BPTF: variants seen among roughly 807,000 people sequenced by gnomAD.
The protein encoded by BPTF is nucleosome-remodeling factor subunit BPTF.
BPTF carries 18 observed loss-of-function variants against 292.5 expected under a neutral mutation model. That is an observed-to-expected ratio of 0.06 (90% CI 0.04 to 0.09). BPTF has a LOEUF of 0.09. BPTF is among the 10% of genes least tolerant of loss of function. BPTF has a pLI of 1.00. For missense variants in BPTF, 2,726 were observed against 3,498.7 expected, an observed-to-expected ratio of 0.78 and a Z score of 5.57; for synonymous variants, 1,225 against 1,251.9, an observed-to-expected ratio of 0.98 and a Z score of 0.45.
intron 13 of BPTF, among the ~76,000 whole-genome samples, chr17:67,922,217 C>T (rs190146961): frequency 6.6e-6 from 1 of 152,288 alleles, no homozygotes; most frequent in Admixed American, 6.5e-5. Context: ...AATTCAGGTC[C>T]TGCTTTCATT....
chr17:67,943,133 C>T (rs367952795), intron 19 of BPTF, among the ~76,000 whole-genome samples: 27 of 152,060 alleles, frequency 1.8e-4, no homozygotes, highest in Non-Finnish European at 3.5e-4. Context: ...AATTGAAATC[C>T]GGGTGAGTCA....
Position 67,859,449 on chromosome 17 carries a change from C to A in BPTF, c.1436+4687C>A, listed in dbSNP as rs2058942587. On this transcript the variant is annotated intron_variant, in intron 2 of 27. Coordinates refer to ENST00000306378, the MANE Select transcript of BPTF (RefSeq NM_182641.4). ...GCCTGAGCCACCATGCCCTGCCTTG[C>A]AGGCACTATTTTTGTCTGCATCTTA... is the stretch of plus-strand genomic sequence containing the variant. 2.0e-5 allele frequency among the ~76,000 whole-genome samples: 3 copies of A among 152,358 alleles called. No homozygotes were observed. In the South Asian group the frequency reaches 6.2e-4, roughly 32 times the overall value.
chr17:67,912,417 C>T lies in BPTF; in HGVS notation c.4533C>T (p.Asp1511=). ...LETLPSTKES[D]STQTTTPSAS... ...CCCTGCCATCAACCAAAGAGTCTGA[C>T]AGTACACAGACGACCACACCCTCAG... Residue 1511 remains aspartate, a synonymous_variant, in exon 11 of 28, where the codon GAC becomes GAT. Transcript: ENST00000306378. The T allele has an allele frequency of 1.2e-6, 2 of 1,613,928 alleles. No individual in the cohort carries two copies. The highest frequency in any genetic ancestry group is 1.7e-6 in the Non-Finnish European group (2 of 1,179,956).
intron 2 of BPTF, among the ~76,000 whole-genome samples, chr17:67,862,371 C>A (rs1598307083): frequency 1.3e-5 from 2 of 152,200 alleles, no homozygotes; most frequent in South Asian, 4.1e-4. Context: ...TGGTACTACT[C>A]TAAACACTTT....
chr17:67,870,261 CTTT>C (rs374215070), intron 3 of BPTF, among the ~76,000 whole-genome samples: 3 of 133,558 alleles, frequency 2.2e-5, no homozygotes, highest in Non-Finnish European at 4.9e-5. Flanking sequence ...TCTTTCTTTC[CTTT>C]TTTTTTTTTT....
rs536252416 is a variant in BPTF at position 67,936,122 on chromosome 17, C to A, written c.6259+4103C>A. On this transcript the variant is annotated intron_variant, in intron 18 of 27. Coordinates refer to ENST00000306378, the MANE Select transcript of BPTF (RefSeq NM_182641.4). ...ATTTTCTTACTATAAAACATGGTTC[C>A]AGGGCATAAGGGGAAAGATAGATAA... Among the ~76,000 whole-genome samples the A allele has an allele frequency of 3.3e-5, 5 of 152,196 alleles. No homozygotes were observed. In the East Asian group the frequency reaches 9.7e-4, roughly 29 times the overall value.
intron 1 of BPTF, among the ~76,000 whole-genome samples, chr17:67,833,157 A>T (rs975646214): frequency 5.3e-5 from 8 of 151,974 alleles, no homozygotes; most frequent in African/African-American, 1.9e-4. Context: ...GTCTTCCATC[A>T]TTTAGCCTAA....
rs1250813393 is a variant in BPTF, at chr17:67,928,360, A to G, written c.5757A>G (p.Arg1919=). 1 of 1,604,654 alleles carries G rather than the reference A, an allele frequency of 6.2e-7. No homozygotes were observed. The highest frequency in any genetic ancestry group is 2.2e-5 in the East Asian group (1 of 44,806). The change falls in exon 16 of 28, where the codon CGA becomes CGG. Residue 1919 remains arginine, a synonymous_variant. Transcript: ENST00000306378. ...AQAVEQQAKK[R]LEQQKPTVIA... is the part of the protein sequence containing the mutation. ...CCTCTCCTTCACTTTTTTAGAAACG[A>G]CTGGAGCAGCAGAAGCCGACAGTGA... is the stretch of plus-strand genomic sequence containing the variant.
intron 23 of BPTF, 84 bp downstream of exon 23, chr17:67,948,390 T>A: frequency 8.0e-7 from 1 of 1,250,098 alleles, no homozygotes; most frequent in Non-Finnish European, 1.1e-6. Context: ...TAATAAAGCT[T>A]AAAATTTCAG....
intron 23 of BPTF, among the ~76,000 whole-genome samples, chr17:67,959,004 G>GT (rs1555682268): frequency 1.3e-5 from 2 of 152,082 alleles, no homozygotes; most frequent in African/African-American, 4.8e-5. Flanking sequence ...AAAATAGTGC[G>GT]TTATGTTGCA....
In BPTF at chr17:67,984,317, T is replaced by C. The variant is rs2070684697; in HGVS notation, c.*2029T>C. 1 of 152,606 alleles carries C rather than the reference T, an allele frequency of 6.6e-6. No homozygotes were observed. The highest frequency in any genetic ancestry group is 1.5e-5 in the Non-Finnish European group (1 of 68,034). The allele number at this position is 152,606 out of a possible 1,614,324, so 9.5% of individuals were successfully genotyped here. On this transcript the variant is annotated 3_prime_UTR_variant, in exon 28 of 28. Coordinates refer to ENST00000306378, the MANE Select transcript of BPTF (RefSeq NM_182641.4). ...AATTGTGGCAAATTCTAAACAGCAA[T>C]TCTTTTGTACGTAATAGGACATTTC...
chr17:67,882,642 CTTTA>C (rs1458824155), intron 4 of BPTF, among the ~76,000 whole-genome samples: 1 of 152,182 alleles, frequency 6.6e-6, no homozygotes, highest in African/African-American at 2.4e-5. Context: ...TTTTGCTGCT[CTTTA>C]TTTCTCATTA....
At chr17:67,935,635 C>G (rs2064850850) in intron 18 of BPTF, among the ~76,000 whole-genome samples, 1 of 152,096 alleles carries the variant, frequency 6.6e-6, no homozygotes, top group African/African-American at 2.4e-5. Context: ...AACTGTAGAT[C>G]ACCTGAGGTC....
chr17:67,866,424 A>G (rs1173665478), intron 2 of BPTF, 40 bp from the exon 3 acceptor site: 2 of 1,442,018 alleles, frequency 1.4e-6, no homozygotes, highest in Admixed American at 1.7e-5. Context: ...AAGTGGCATT[A>G]TGTCTAACAT....
chr17:67,834,357 G>GTACTTGAC (rs1449970756), intron 1 of BPTF, among the ~76,000 whole-genome samples: 2 of 152,316 alleles, frequency 1.3e-5, no homozygotes, highest in African/African-American at 4.8e-5. Flanking sequence ...CTAAGTGAAT[G>GTACTTGAC]TTCCATATGT....
chr17:67,836,432 T>C (rs1252371684), intron 1 of BPTF, among the ~76,000 whole-genome samples: 1 of 152,228 alleles, frequency 6.6e-6, no homozygotes, highest in African/African-American at 2.4e-5. Context: ...ATTCTATTTA[T>C]GGAAGTTAAG....
intron 10 of BPTF, 78 bp from the exon 11 acceptor site, chr17:67,910,799 C>CAA: frequency 2.3e-5 from 21 of 921,188 alleles, no homozygotes; most frequent in Non-Finnish European, 2.7e-5. Context: ...GACTCCATCT[C>CAA]AAAAAAAAAA....
chr17:67,826,756 C>G (rs1360516557), intron 1 of BPTF, among the ~76,000 whole-genome samples: 1 of 152,072 alleles, frequency 6.6e-6, no homozygotes, highest in Non-Finnish European at 1.5e-5. Flanking sequence ...CTTTGCATTT[C>G]TAATGTGGTT....
intron 8 of BPTF, among the ~76,000 whole-genome samples, chr17:67,904,397 G>A (rs993289933): frequency 6.6e-6 from 1 of 152,198 alleles, no homozygotes; most frequent in Non-Finnish European, 1.5e-5. Context: ...AATTTACAAA[G>A]CATTGGTTTA....
Sources: gnomAD v4.1 joint callset for allele counts (sites outside exome capture counted in the v4.1 genomes callset) on GRCh38, gnomAD v4.1.1 for gene constraint, MANE v1.5 for transcripts, NCBI Gene and HGNC (gene_info 2026-07-23, HGNC 2026-07-21) for gene names.